MAGI3: variants seen among roughly 807,000 people sequenced by gnomAD.
The protein encoded by MAGI3 is membrane-associated guanylate kinase, WW and PDZ domain-containing protein 3.
A neutral mutation model predicts 121.8 loss-of-function variants in MAGI3; 43 were observed. The observed-to-expected ratio is 0.35, with a 90% confidence interval of 0.28 to 0.46. MAGI3 has a LOEUF of 0.46. Among genes scored for constraint, MAGI3 ranks in the 20% least tolerant of loss-of-function variants. The pLI, the probability that MAGI3 is intolerant of heterozygous loss-of-function variation, is 1.00. For missense variants in MAGI3, 1,547 were observed against 1,797.3 expected, an observed-to-expected ratio of 0.86 and a Z score of 2.52; for synonymous variants, 553 against 639.3, an observed-to-expected ratio of 0.86 and a Z score of 2.04.
At chr1:113,416,394 AT>A (rs1461459876) in intron 1 of MAGI3, among the ~76,000 whole-genome samples, 1 of 99,642 alleles carries the variant, frequency 1.0e-5, no homozygotes, top group Non-Finnish European at 2.0e-5. Context: ...ATATATATTA[AT>A]TATTAATTAA....
intron 1 of MAGI3, among the ~76,000 whole-genome samples, chr1:113,479,161 C>T (rs1030587087): frequency 6.6e-6 from 1 of 152,200 alleles, no homozygotes; most frequent in Admixed American, 6.5e-5. Flanking sequence ...GTCATGGCTT[C>T]CCTTGGCTAG....
intron 9 of MAGI3, 22 bp downstream of exon 9, chr1:113,623,016 T>G: frequency 1.4e-6 from 2 of 1,479,830 alleles, no homozygotes; most frequent in Non-Finnish European, 1.8e-6. Flanking sequence ...TTCATAATTA[T>G]TTGAAGAGTA....
chr1:113,452,443 T>C (rs895410486), intron 1 of MAGI3, among the ~76,000 whole-genome samples: 36 of 124,562 alleles, frequency 2.9e-4, no homozygotes, highest in African/African-American at 9.0e-4. Flanking sequence ...GATTAACTTA[T>C]GTGCATAGAC....
At chr1:113,404,895 T>C (rs1460368721) in intron 1 of MAGI3, among the ~76,000 whole-genome samples, 1 of 152,204 alleles carries the variant, frequency 6.6e-6, no homozygotes, top group East Asian at 1.9e-4. Flanking sequence ...CCTATTTTAT[T>C]TCTTGCTCTT....
intron 7 of MAGI3, among the ~76,000 whole-genome samples, chr1:113,616,947 G>T (rs551850371): frequency 6.7e-6 from 1 of 148,152 alleles, no homozygotes; most frequent in Admixed American, 6.9e-5. Context: ...GCAGCAGCAC[G>T]ATCTTGGCTC....
At chr1:113,516,390 CAAAAAAAA>C (rs60186333) in intron 1 of MAGI3, among the ~76,000 whole-genome samples, 5 of 70,996 alleles carry the variant, frequency 7.0e-5, no homozygotes, top group Admixed American at 1.9e-4. Flanking sequence ...GAAGTTCTCA[CAAAAAAAA>C]AAAAAAAAAA....
chr1:113,647,800 A>G (rs1297341988), intron 12 of MAGI3, among the ~76,000 whole-genome samples: 1 of 152,228 alleles, frequency 6.6e-6, no homozygotes, highest in Admixed American at 6.5e-5. Flanking sequence ...AATTAGCATA[A>G]CAATGTAGAA....
At chr1:113,460,174 A>C (rs902460666) in intron 1 of MAGI3, among the ~76,000 whole-genome samples, 2 of 152,246 alleles carry the variant, frequency 1.3e-5, no homozygotes, top group African/African-American at 4.8e-5. Flanking sequence ...CAAAAACTAC[A>C]TGATTATCTC....
At chr1:113,436,183 A>G (rs1653556416) in intron 1 of MAGI3, among the ~76,000 whole-genome samples, 1 of 152,168 alleles carries the variant, frequency 6.6e-6, no homozygotes. Flanking sequence ...GATAATTCAG[A>G]ACAGGGCTGA....
At chr1:113,638,612 C>A (rs1166040555) in intron 9 of MAGI3, among the ~76,000 whole-genome samples, 1 of 152,212 alleles carries the variant, frequency 6.6e-6, no homozygotes, top group African/African-American at 2.4e-5. Flanking sequence ...GAGGAGTACC[C>A]GGTCATGTGA....
rs964613461 is a variant in MAGI3, at chr1:113,399,515, A to G, written c.316+8166A>G. Among the ~76,000 whole-genome samples, 5 of 152,130 alleles carry G rather than the reference A, an allele frequency of 3.3e-5. No individual in the cohort carries two copies. In the East Asian group the frequency reaches 5.8e-4, roughly 18 times the overall value. On this transcript the variant is annotated intron_variant, in intron 1 of 20. Coordinates refer to ENST00000307546, the MANE Select transcript of MAGI3 (RefSeq NM_001142782.2). ...AGTACACAGTTGTCATAAAACTATC[A>G]TTTTTAGAAAAACAGATATTGGCTG...
At chr1:113,524,199 TG>T (rs919757469) in intron 1 of MAGI3, among the ~76,000 whole-genome samples, 1 of 152,140 alleles carries the variant, frequency 6.6e-6, no homozygotes, top group African/African-American at 2.4e-5. Context: ...GCTGCGGGGA[TG>T]GGGCACTCAT....
chr1:113,656,267 G>T (rs1022519279), intron 15 of MAGI3, among the ~76,000 whole-genome samples: 1 of 152,132 alleles, frequency 6.6e-6, no homozygotes, highest in Non-Finnish European at 1.5e-5. Context: ...ACAGAAAAAG[G>T]GTCCTGGGGA....
intron 1 of MAGI3, among the ~76,000 whole-genome samples, chr1:113,404,766 T>A (rs1651585210): frequency 6.6e-6 from 1 of 152,058 alleles, no homozygotes; most frequent in Non-Finnish European, 1.5e-5. Flanking sequence ...TAATGCATGA[T>A]GTAGAACTGA....
chr1:113,635,438 G>A lies in MAGI3; in HGVS notation c.1361-6473G>A, dbSNP rs777679259. ...TTATTGAGAGTTTTTAGCATGAAGC[G>A]TTGTTGAATTTTGTCAAAGGCCTTT... is the stretch of plus-strand genomic sequence containing the variant. On this transcript the variant is annotated intron_variant, in intron 9 of 20. Transcript: ENST00000307546. 2.0e-3 allele frequency among the ~76,000 whole-genome samples: 307 copies of A among 152,196 alleles called. 1 individual carries two copies. The highest frequency in any genetic ancestry group is 3.8e-3 in the Non-Finnish European group (259 of 67,996).
chr1:113,572,319 C>T (rs948099114), intron 2 of MAGI3, among the ~76,000 whole-genome samples: 3 of 152,180 alleles, frequency 2.0e-5, no homozygotes, highest in African/African-American at 7.2e-5. Flanking sequence ...AGGTTTTTCG[C>T]ATCGATGTTC....
intron 1 of MAGI3, among the ~76,000 whole-genome samples, chr1:113,468,840 G>A (rs1338602176): frequency 6.6e-6 from 1 of 151,634 alleles, no homozygotes; most frequent in African/African-American, 2.4e-5. Flanking sequence ...TGTAGATCTC[G>A]TATTTCTATA....
chr1:113,510,399 C>A (rs546797836), intron 1 of MAGI3, among the ~76,000 whole-genome samples: 12 of 150,132 alleles, frequency 8.0e-5, no homozygotes, highest in African/African-American at 2.9e-4. Flanking sequence ...TTATCTACTC[C>A]CATGACATTT....
intron 1 of MAGI3, among the ~76,000 whole-genome samples, chr1:113,443,069 C>A (rs1430959662): frequency 6.6e-6 from 1 of 152,036 alleles, no homozygotes; most frequent in South Asian, 2.1e-4. Flanking sequence ...TGAGATAGAC[C>A]TAGGCAGATT....
Sources: allele counts gnomAD v4.1 joint callset (sites outside exome capture counted in the v4.1 genomes callset), GRCh38; gene constraint gnomAD v4.1.1; transcripts MANE v1.5; gene names NCBI Gene and HGNC (gene_info 2026-07-23, HGNC 2026-07-21).